Variants in ANKRD10 observed in about 807,000 individuals in gnomAD.
ANKRD10 encodes ankyrin repeat domain-containing protein 10.
ANKRD10 carries 14 observed loss-of-function variants against 27.0 expected under a neutral mutation model. The ratio of observed to expected loss-of-function variants is 0.52; its 90% CI spans 0.34 to 0.81. The LOEUF is 0.81. ANKRD10 is among the 40% of genes least tolerant of loss of function. ANKRD10 has a pLI of 0.01. For synonymous variants in ANKRD10, 250 were observed against 224.5 expected (o/e 1.11, Z -1.01); for missense variants, 493 against 544.0 (o/e 0.91, Z 0.93).
rs1420660127 is a variant in ANKRD10 at position 110,893,151 on chromosome 13, T to TA, written c.567dup (p.Asn190Ter). On this transcript the variant is annotated frameshift_variant, in exon 4 of 6. Coordinates refer to ENST00000267339, the MANE Select transcript of ANKRD10 (RefSeq NM_017664.4). LOFTEE classifies it high-confidence loss of function. ...TGACCCCCATTTAAGATGCCATTGT[T>TA]ATAGAAATGGTTCAGATGACAATTC... is the stretch of plus-strand genomic sequence containing the variant. 6.2e-7 allele frequency: 1 copy of TA among 1,614,216 alleles called. No individual in the cohort carries two copies. The highest frequency in any genetic ancestry group is 1.1e-5 in the South Asian group (1 of 91,084).
At chr13:110,910,453 G>C (rs2065662847) in intron 2 of ANKRD10, among the ~76,000 whole-genome samples, 165 bp downstream of exon 2, 1 of 152,200 alleles carries the variant, frequency 6.6e-6, no homozygotes, top group African/African-American at 2.4e-5. Flanking sequence ...TATGGAAAGG[G>C]CCTACTATCC....
intron 1 of ANKRD10, among the ~76,000 whole-genome samples, chr13:110,914,216 G>C (rs1566504564): frequency 6.6e-6 from 1 of 152,186 alleles, no homozygotes; most frequent in South Asian, 2.1e-4. Flanking sequence ...CTACTGGCGA[G>C]GCTGTGCGGA....
Position 110,908,059 on chromosome 13 carries a change from A to C in ANKRD10, c.364-1935T>G, listed in dbSNP as rs372593459. Reference sequence around the variant, plus strand: ...GACATCCTGAGAGAAGGTAGCCAAGAGAAAAGATACGTAAGACTAAAGAGC... The same window carrying C: ...GACATCCTGAGAGAAGGTAGCCAAGCGAAAAGATACGTAAGACTAAAGAGC... On this transcript the variant is annotated intron_variant, in intron 2 of 5. Coordinates refer to ENST00000267339, the MANE Select transcript of ANKRD10 (RefSeq NM_017664.4). Among the ~76,000 whole-genome samples the C allele has an allele frequency of 3.6e-4, 55 of 152,016 alleles. No homozygotes were observed. In the East Asian group the frequency reaches 9.5e-3, roughly 26 times the overall value.
chr13:110,891,406 CAT>C (rs1286719289), intron 4 of ANKRD10, among the ~76,000 whole-genome samples: 2 of 152,080 alleles, frequency 1.3e-5, no homozygotes, highest in East Asian at 1.9e-4. Context: ...TGCAGATCTT[CAT>C]GTCATGCTTA....
chr13:110,894,403 C>CAAAAAAAAAAAAAAAAAAAAAAAAAA (rs5806877), intron 3 of ANKRD10: 1 of 62,684 alleles, frequency 1.6e-5, no homozygotes, highest in African/African-American at 6.2e-5. Flanking sequence ...ACTGTTAATG[C>CAAAAAAAAAAAAAAAAAAAAAAAAAA]AAAAAAAAAA....
At chr13:110,891,492 T>C (rs557367584) in intron 4 of ANKRD10, among the ~76,000 whole-genome samples, 18 of 152,354 alleles carry the variant, frequency 1.2e-4, no homozygotes, top group African/African-American at 4.3e-4. Flanking sequence ...AGTTCATACA[T>C]TACTATAAAA....
chr13:110,890,372 T>C (rs1003789315), intron 4 of ANKRD10, among the ~76,000 whole-genome samples: 1 of 151,634 alleles, frequency 6.6e-6, no homozygotes, highest in African/African-American at 2.4e-5. Flanking sequence ...GGGCAAAAAA[T>C]CACCTTTTCC....
intron 3 of ANKRD10, among the ~76,000 whole-genome samples, chr13:110,896,897 A>G (rs1370976257): frequency 6.6e-6 from 1 of 152,258 alleles, no homozygotes; most frequent in Non-Finnish European, 1.5e-5. Flanking sequence ...GAACTGCTGA[A>G]TAACATTTAA....
intron 1 of ANKRD10, among the ~76,000 whole-genome samples, chr13:110,912,919 TA>T (rs1346332466): frequency 6.6e-6 from 1 of 152,350 alleles, no homozygotes; most frequent in Admixed American, 6.5e-5. Flanking sequence ...CAAAGAGCCC[TA>T]TGATTCAGAC....
At position 110,879,532 on chromosome 13, in the gene ANKRD10, A is replaced by T; in HGVS notation, c.*105T>A. On this transcript the variant is annotated 3_prime_UTR_variant, in exon 6 of 6. Coordinates refer to ENST00000267339, the MANE Select transcript of ANKRD10 (RefSeq NM_017664.4). The stretch of plus-strand genomic sequence containing the variant: ...ACTTTTTCAGAAAGTTGAAGTATAT[A>T]AAAAACGTACAAGTTGTGACATTCG... 1.1e-6 allele frequency: 1 copy of T among 885,770 alleles called. No individual in the cohort carries two copies. The highest frequency in any genetic ancestry group is 1.7e-5 in the South Asian group (1 of 58,890). The allele number at this position is 885,770 out of a possible 1,614,324, so 54.9% of individuals were successfully genotyped here.
intron 3 of ANKRD10, among the ~76,000 whole-genome samples, chr13:110,899,953 T>C (rs1019453250): frequency 2.0e-5 from 3 of 152,160 alleles, no homozygotes; most frequent in Non-Finnish European, 4.4e-5. Context: ...GGCTCAACCC[T>C]ATAATCCTGG....
Position 110,914,758 on chromosome 13 carries a change from C to A in ANKRD10, c.177G>T (p.Trp59Cys). 6.3e-7 allele frequency: 1 copy of A among 1,597,098 alleles called. No homozygotes were observed. Among genetic ancestry groups the A allele is most frequent in the East Asian group, 2.3e-5 (1 of 43,736 alleles). ...HLASEDSFYGWTPVHWAAHFG... is the reference protein window; with the variant it reads ...HLASEDSFYGCTPVHWAAHFG... Reference sequence around the variant, plus strand: ...AATGCGCGGCCCAGTGCACGGGCGTCCAGCCATAGAAGGAGTCCTCAGAGG... The same window carrying A: ...AATGCGCGGCCCAGTGCACGGGCGTACAGCCATAGAAGGAGTCCTCAGAGG... The change falls in exon 1 of 6, where the codon TGG (tryptophan) becomes TGT (cysteine). Residue 59 changes from tryptophan to cysteine, a missense_variant. By Grantham distance (215) the Trp-to-Cys change is radical. Transcript: ENST00000267339.
chr13:110,902,808 G>C (rs186537580), intron 3 of ANKRD10, among the ~76,000 whole-genome samples: 11 of 152,270 alleles, frequency 7.2e-5, no homozygotes, highest in Non-Finnish European at 1.5e-4. Flanking sequence ...AGTCATGCTG[G>C]TTTCATTCTA....
In ANKRD10 at chr13:110,910,468, CA is replaced by C. The variant is rs1385933448; in HGVS notation, c.363+149del. 1.8e-5 allele frequency: 19 copies of C among 1,083,278 alleles called. No homozygotes were observed. In the South Asian group the frequency reaches 1.8e-4, roughly 10 times the overall value. 67.1% of individuals were successfully genotyped at this position (1,083,278 alleles called of 1,614,324 possible). A position where few individuals can be genotyped will look rare whatever the true frequency, so the allele number is the denominator to read the frequency against. On this transcript the variant is annotated intron_variant, in intron 2 of 5. Coordinates refer to ENST00000267339, the MANE Select transcript of ANKRD10 (RefSeq NM_017664.4). ...TATGGAAAGGGCCTACTATCCTCCA[CA>C]AACAACTGAAGAAACATAAATTCCA...
chr13:110,903,833 AAACT>A (rs904412291), intron 3 of ANKRD10, among the ~76,000 whole-genome samples: 65 of 152,314 alleles, frequency 4.3e-4, no homozygotes, highest in African/African-American at 1.5e-3. Context: ...TGAATGAAAA[AAACT>A]AACTTTAAAT....
chr13:110,892,921 C>CGGTA (rs1317719524), intron 4 of ANKRD10, 107 bp downstream of exon 4: 2 of 1,495,504 alleles, frequency 1.3e-6, no homozygotes, highest in Non-Finnish European at 1.8e-6. Context: ...GGCGCATTAC[C>CGGTA]ACCTGAAGTG....
intron 3 of ANKRD10, among the ~76,000 whole-genome samples, chr13:110,898,141 A>T (rs1330238426): frequency 6.6e-6 from 1 of 152,314 alleles, no homozygotes; most frequent in East Asian, 1.9e-4. Flanking sequence ...TAAAACAATC[A>T]TTCCTATTCC....
Position 110,914,690 on chromosome 13 carries a change from C to G in ANKRD10, c.210+35G>C, listed in dbSNP as rs759349196. ...CTTTCCCCGACTCCCACTGGACAGC[C>G]GGGGAAAATGGCGCCTTAAAGCGTT... On this transcript the variant is annotated intron_variant, in intron 1 of 5. Coordinates refer to ENST00000267339, the MANE Select transcript of ANKRD10 (RefSeq NM_017664.4). 6.5e-6 allele frequency: 10 copies of G among 1,536,152 alleles called. No homozygotes were observed. In the African/African-American group the frequency reaches 9.7e-5, roughly 15 times the overall value.
intron 3 of ANKRD10, among the ~76,000 whole-genome samples, chr13:110,897,461 T>TG (rs943366291): frequency 1.1e-4 from 17 of 152,086 alleles, no homozygotes; most frequent in Admixed American, 3.9e-4. Context: ...GTACAGTACA[T>TG]GGAGTATTTA....
Sources: allele counts gnomAD v4.1 joint callset (sites outside exome capture counted in the v4.1 genomes callset), GRCh38; gene constraint gnomAD v4.1.1; transcripts MANE v1.5; gene names NCBI Gene and HGNC (gene_info 2026-07-23, HGNC 2026-07-21).